Variants in YOD1 observed in about 807,000 individuals in gnomAD.
YOD1 encodes ubiquitin thioesterase OTU1.
YOD1 carries 17 observed loss-of-function variants against 23.7 expected under a neutral mutation model. That is an observed-to-expected ratio of 0.72 (90% CI 0.49 to 1.07). YOD1 has a LOEUF of 1.07. Among genes scored for constraint, YOD1 ranks in the 50% least tolerant of loss-of-function variants. The pLI, the probability that YOD1 is intolerant of heterozygous loss-of-function variation, is 0.00. For missense variants in YOD1, 413 were observed against 447.2 expected (o/e 0.92, Z 0.69); for synonymous variants, 191 against 169.6 (o/e 1.13, Z -0.98).
chr1:207,051,755 GAC>G (rs1484584248), upstream of YOD1, among the ~76,000 whole-genome samples: 2 of 152,186 alleles, frequency 1.3e-5, no homozygotes, highest in African/African-American at 4.8e-5. Flanking sequence ...TGGGGTGTGA[GAC>G]ACACAGCCAC....
Position 207,047,682 on chromosome 1 carries a change from G to T in YOD1, c.*1338C>A, listed in dbSNP as rs1325829406. 6.6e-6 allele frequency: 1 copy of T among 152,524 alleles called. No individual in the cohort carries two copies. Among genetic ancestry groups the T allele is most frequent in the Non-Finnish European group, 1.5e-5 (1 of 67,998 alleles). The allele number at this position is 152,524 out of a possible 1,614,324, so 9.4% of individuals were successfully genotyped here. A position where few individuals can be genotyped will look rare whatever the true frequency, so the allele number is the denominator to read the frequency against. ...CTTGTAGTGAAGCTAAGTTTTAGAG[G>T]GTGTGCCTTGCGGATTAGTCCACTA... is the stretch of plus-strand genomic sequence containing the variant. On this transcript the variant is annotated 3_prime_UTR_variant, in exon 2 of 2. Coordinates refer to ENST00000315927, the MANE Select transcript of YOD1 (RefSeq NM_018566.4).
At position 207,047,521 on chromosome 1, in the gene YOD1, T is replaced by TA. The variant is rs1285130482; in HGVS notation, c.*1498dup. On this transcript the variant is annotated 3_prime_UTR_variant, in exon 2 of 2. Coordinates refer to ENST00000315927, the MANE Select transcript of YOD1 (RefSeq NM_018566.4). ...CTGAATTTCTAAGTGAGATACTTAA[T>TA]AAAAAAGAGACCAAAATAACAAAAC... 2.6e-5 allele frequency: 4 copies of TA among 152,598 alleles called. No individual in the cohort carries two copies. The highest frequency in any genetic ancestry group is 5.9e-5 in the Non-Finnish European group (4 of 67,988). 9.5% of individuals were successfully genotyped at this position (152,598 alleles called of 1,614,324 possible).
In YOD1 at chr1:207,051,185, G is replaced by A; in HGVS notation, c.-155C>T. 3 of 1,383,102 alleles carry A rather than the reference G, an allele frequency of 2.2e-6. No individual in the cohort carries two copies. Among genetic ancestry groups the A allele is most frequent in the Non-Finnish European group, 2.8e-6 (3 of 1,063,740 alleles). The allele number at this position is 1,383,102 out of a possible 1,614,324, so 85.7% of individuals were successfully genotyped here. A position where few individuals can be genotyped will look rare whatever the true frequency, so the allele number is the denominator to read the frequency against. Reference sequence around the variant, plus strand: ...ACCTCCGTATTCCTAAAGGACAACGGGTCTTGCTACCTATAGAGCGAGTGA... The same window carrying A: ...ACCTCCGTATTCCTAAAGGACAACGAGTCTTGCTACCTATAGAGCGAGTGA... On this transcript the variant is annotated 5_prime_UTR_variant, in exon 1 of 2. Coordinates refer to ENST00000315927, the MANE Select transcript of YOD1 (RefSeq NM_018566.4).
intron 1 of YOD1, among the ~76,000 whole-genome samples, chr1:207,050,204 T>C (rs543310712): frequency 7.2e-5 from 11 of 152,234 alleles, no homozygotes; most frequent in African/African-American, 1.7e-4. Context: ...TGGTTAGAAA[T>C]TGAAAGAGCT....
chr1:207,052,267 T>C, upstream of YOD1: 1 of 1,598,270 alleles, frequency 6.3e-7, no homozygotes, highest in Admixed American at 1.7e-5. Context: ...CAATTTTTTT[T>C]TGCTGGTGCA....
At position 207,049,555 on chromosome 1, in the gene YOD1, C is replaced by G. The variant is rs1682682653; in HGVS notation, c.512G>C (p.Gly171Ala). Residue 171 changes from glycine (G) to alanine (A), a missense_variant, in exon 2 of 2, where the codon GGA (glycine) becomes GCA (alanine). Transcript: ENST00000315927. ...GGCACAAGCTGGATTCAAGACTCCTCCTTCGACGACATAGTACACACTAGT... is the reference window on the plus strand; with the variant it reads ...GGCACAAGCTGGATTCAAGACTCCTGCTTCGACGACATAGTACACACTAGT... The part of the protein sequence containing the change: ...LFTSVYYVVE[G>A]GVLNPACAPE... 1.9e-6 allele frequency: 3 copies of G among 1,614,076 alleles called. No homozygotes were observed. Among genetic ancestry groups the G allele is most frequent in the Non-Finnish European group, 2.5e-6 (3 of 1,180,052 alleles).
In YOD1 at chr1:207,047,607, C is replaced by G. The variant is rs1023631484; in HGVS notation, c.*1413G>C. 1.3e-5 allele frequency: 2 copies of G among 152,440 alleles called. No individual in the cohort carries two copies. Among genetic ancestry groups the G allele is most frequent in the African/African-American group, 4.8e-5 (2 of 41,392 alleles). The allele number at this position is 152,440 out of a possible 1,614,324, so 9.4% of individuals were successfully genotyped here. ...ACATAACAAATTATAATTTAGCATC[C>G]CTGATCAGAATAATTAAGAAAAGAG... is the stretch of plus-strand genomic sequence containing the variant. On this transcript the variant is annotated 3_prime_UTR_variant, in exon 2 of 2. Coordinates refer to ENST00000315927, the MANE Select transcript of YOD1 (RefSeq NM_018566.4).
At position 207,050,735 on chromosome 1, in the gene YOD1, T is replaced by C; in HGVS notation, c.296A>G (p.Asp99Gly). Residue 99 changes from aspartate (D) to glycine (G), a missense_variant, in exon 1 of 2, where the codon GAT (aspartate) becomes GGT (glycine). Coordinates refer to ENST00000315927, the MANE Select transcript of YOD1 (RefSeq NM_018566.4). ...ILVGYPPECLDLSNGDTILED... is the reference protein window; with the variant it reads ...ILVGYPPECLGLSNGDTILED... ...CAGAATGGTATCCCCATTGCTGAGA[T>C]CCAGGCACTCGGGAGGGTATCCGAC... 6.2e-7 allele frequency: 1 copy of C among 1,613,330 alleles called. No homozygotes were observed.
At position 207,049,643 on chromosome 1, in the gene YOD1, C is replaced by G. The variant is rs780380722; in HGVS notation, c.424G>C (p.Val142Leu). 7 of 1,614,154 alleles carry G rather than the reference C, an allele frequency of 4.3e-6. No homozygotes were observed. The highest frequency in any genetic ancestry group is 2.2e-5 in the South Asian group (2 of 91,088). The change falls in exon 2 of 2, where the codon GTC (valine) becomes CTC (leucine). Residue 142 changes from valine to leucine, a missense_variant. Coordinates refer to ENST00000315927, the MANE Select transcript of YOD1 (RefSeq NM_018566.4). ...AFTKRGASSYVRETLPVLTRT... is the reference protein window; with the variant it reads ...AFTKRGASSYLRETLPVLTRT... ...GTAAGCACAGGCAAAGTTTCCCTGA[C>G]GTAACTAGAAGCACCACGTTTAGTA...
chr1:207,049,766 G>T (rs1401149160), intron 1 of YOD1, 43 bp from the exon 2 acceptor site: 2 of 1,545,344 alleles, frequency 1.3e-6, no homozygotes, highest in Non-Finnish European at 1.7e-6. Context: ...AGAAATTACA[G>T]AAGAAACCGA....
In YOD1 at chr1:207,050,978, A is replaced by T; in HGVS notation, c.53T>A (p.Phe18Tyr). 1 of 1,539,568 alleles carries T rather than the reference A, an allele frequency of 6.5e-7. No individual in the cohort carries two copies. The highest frequency in any genetic ancestry group is 8.8e-7 in the Non-Finnish European group (1 of 1,139,540). Residue 18 changes from phenylalanine to tyrosine, a missense_variant, in exon 1 of 2, where the codon TTC becomes TAC. By Grantham distance (22) the Phe-to-Tyr change is conservative. Transcript: ENST00000315927. ...AGCCTGTTGGGAGACGCCGCCGGGG[A>T]AACCAGGCGCCGGGTGGACTCCAAA... ...RHFGVHPAPG[F>Y]PGGVSQQAAG...
chr1:207,052,259 A>T, upstream of YOD1: 1 of 1,582,774 alleles, frequency 6.3e-7, no homozygotes, highest in South Asian at 1.1e-5. Context: ...TCATGACTCA[A>T]TTTTTTTTTG....
upstream of YOD1, among the ~76,000 whole-genome samples, chr1:207,051,758 A>C (rs990311810): frequency 3.9e-5 from 6 of 152,240 alleles, no homozygotes; most frequent in African/African-American, 1.4e-4. Context: ...GGTGTGAGAC[A>C]CACAGCCACT....
In YOD1 at chr1:207,047,871, T is replaced by C. The variant is rs985632527; in HGVS notation, c.*1149A>G. On this transcript the variant is annotated 3_prime_UTR_variant, in exon 2 of 2. Coordinates refer to ENST00000315927, the MANE Select transcript of YOD1 (RefSeq NM_018566.4). The stretch of plus-strand genomic sequence containing the variant: ...AAAAATCAAAGTAAAAGATTGCAGA[T>C]AAGCAAAGTGCTAATTTGCAGAAAT... The C allele has an allele frequency of 6.6e-6, 1 of 152,202 alleles. No homozygotes were observed. The highest frequency in any genetic ancestry group is 2.1e-4 in the South Asian group (1 of 4,836). 9.4% of individuals were successfully genotyped at this position (152,202 alleles called of 1,614,324 possible).
In YOD1 at chr1:207,045,445, G is replaced by T. The variant is rs901769150; in HGVS notation, c.*3575C>A. On this transcript the variant is annotated 3_prime_UTR_variant, in exon 2 of 2. Transcript: ENST00000315927. ...GAAGAGCTGATGGTTAGTAGCTCAAGAATTGTACTTTAATGTCCTTAATTA... is the reference window on the plus strand; with the variant it reads ...GAAGAGCTGATGGTTAGTAGCTCAATAATTGTACTTTAATGTCCTTAATTA... 1 of 152,404 alleles carries T rather than the reference G, an allele frequency of 6.6e-6. No individual in the cohort carries two copies. Among genetic ancestry groups the T allele is most frequent in the African/African-American group, 2.4e-5 (1 of 41,404 alleles). The allele number at this position is 152,404 out of a possible 1,614,324, so 9.4% of individuals were successfully genotyped here. A position where few individuals can be genotyped will look rare whatever the true frequency, so the allele number is the denominator to read the frequency against.
At position 207,050,986 on chromosome 1, in the gene YOD1, C is replaced by T. The variant is rs1302703629; in HGVS notation, c.45G>A (p.Ala15=). ...GGGAGACGCCGCCGGGGAAACCAGG[C>T]GCCGGGTGGACTCCAAAATGGCGAC... is the stretch of plus-strand genomic sequence containing the variant. ...AKGRHFGVHP[A]PGFPGGVSQQ... Residue 15 remains alanine, a synonymous_variant, in exon 1 of 2, where the codon GCG becomes GCA. Transcript: ENST00000315927. The T allele has an allele frequency of 1.3e-6, 2 of 1,533,044 alleles. No individual in the cohort carries two copies. The highest frequency in any genetic ancestry group is 1.8e-6 in the Non-Finnish European group (2 of 1,137,212). The allele number at this position is 1,533,044 out of a possible 1,614,324, so 95.0% of individuals were successfully genotyped here.
rs779946564 is a variant in YOD1, at chr1:207,045,101, G to A, written c.*3919C>T. ...TTATTCAAATCAAGTGTTTCACTTT[G>A]GACTTAAAATGATGCCACTTGTATA... On this transcript the variant is annotated 3_prime_UTR_variant, in exon 2 of 2. Transcript: ENST00000315927. 78 of 152,302 alleles carry A rather than the reference G, an allele frequency of 5.1e-4. No homozygotes were observed. Among genetic ancestry groups the A allele is most frequent in the Admixed American group, 3.7e-3 (56 of 15,268 alleles). The allele number at this position is 152,302 out of a possible 1,614,324, so 9.4% of individuals were successfully genotyped here. A position where few individuals can be genotyped will look rare whatever the true frequency, so the allele number is the denominator to read the frequency against.
Position 207,048,361 on chromosome 1 carries a change from T to C in YOD1, c.*659A>G, listed in dbSNP as rs1682647502. On this transcript the variant is annotated 3_prime_UTR_variant, in exon 2 of 2. Coordinates refer to ENST00000315927, the MANE Select transcript of YOD1 (RefSeq NM_018566.4). ...GAGACTCATCCCTGTAAAAATTGCT[T>C]GTGATGTACTTATCAGTGGTTAAGC... 6.6e-6 allele frequency: 1 copy of C among 152,530 alleles called. No homozygotes were observed. Among genetic ancestry groups the C allele is most frequent in the Non-Finnish European group, 1.5e-5 (1 of 68,122 alleles). 9.4% of individuals were successfully genotyped at this position (152,530 alleles called of 1,614,324 possible).
rs1037964247 is a variant in YOD1, at chr1:207,045,809, T to C, written c.*3211A>G. The C allele has an allele frequency of 2.0e-4, 31 of 152,082 alleles. No individual in the cohort carries two copies. The highest frequency in any genetic ancestry group is 2.9e-4 in the Non-Finnish European group (20 of 67,904). 9.4% of individuals were successfully genotyped at this position (152,082 alleles called of 1,614,324 possible). On this transcript the variant is annotated 3_prime_UTR_variant, in exon 2 of 2. Transcript: ENST00000315927. The stretch of plus-strand genomic sequence containing the variant: ...AGATAGATAACATAATGTTAGTTAA[T>C]TCCTCATTATTATTTTGCTGGGACT...
Sources: allele counts gnomAD v4.1 joint callset (sites outside exome capture counted in the v4.1 genomes callset), GRCh38; gene constraint gnomAD v4.1.1; transcripts MANE v1.5; gene names NCBI Gene and HGNC (gene_info 2026-07-23, HGNC 2026-07-21).